Variants in GNPDA2 observed in about 807,000 individuals in gnomAD.
The protein encoded by GNPDA2 is glucosamine-6-phosphate deaminase 2.
In GNPDA2, 24 loss-of-function variants were observed where a neutral mutation model predicts 27.0. The ratio of observed to expected loss-of-function variants is 0.89; its 90% CI spans 0.64 to 1.25. GNPDA2 has a LOEUF of 1.25. Ranked by LOEUF, GNPDA2 falls within the 50% of genes most tolerant of loss-of-function variation. The probability of loss-of-function intolerance (pLI) is 0.00; values close to 1 mark genes in which losing one functional copy is unlikely to be tolerated. For missense variants in GNPDA2, 286 were observed against 335.1 expected (o/e 0.85, Z 1.14); for synonymous variants, 94 against 108.4 (o/e 0.87, Z 0.83).
rs1873522 is a variant in GNPDA2, at chr4:44,717,031, A to C, written c.409+82T>G. 4 of 972,174 alleles carry C rather than the reference A, an allele frequency of 4.1e-6. No homozygotes were observed. The African/African-American group carries it at 6.7e-5, about 16-fold the overall frequency. 60.2% of individuals were successfully genotyped at this position (972,174 alleles called of 1,614,324 possible). A position where few individuals can be genotyped will look rare whatever the true frequency, so the allele number is the denominator to read the frequency against. ...GCCACAGGTGCTCTTTACATTACAC[A>C]ATGGGAAGATTTATTTTTTAAATTT... On this transcript the variant is annotated intron_variant, in intron 4 of 6. Transcript: ENST00000295448.
chr4:44,710,761 C>G (rs965141986), intron 5 of GNPDA2, among the ~76,000 whole-genome samples, 192 bp downstream of exon 5: 9 of 152,278 alleles, frequency 5.9e-5, no homozygotes, highest in Non-Finnish European at 1.2e-4. Flanking sequence ...TCTTAGTTTA[C>G]AGCTCCAAAA....
intron 1 of GNPDA2, among the ~76,000 whole-genome samples, chr4:44,723,451 G>A (rs1289836094): frequency 6.6e-6 from 1 of 152,010 alleles, no homozygotes; most frequent in South Asian, 2.1e-4. Flanking sequence ...CCATCACCAC[G>A]TGTACACATT....
At position 44,718,322 on chromosome 4, in the gene GNPDA2, C is replaced by G. The variant is rs1230044673; in HGVS notation, c.213G>C (p.Met71Ile). ...AGTATAGCTTACCTACATATTCATC[C>G]ATATTAAAGGTCTTCACATATTTAA... ...LSFKYVKTFNMDEYVGLPRNH... is the reference protein window; with the variant it reads ...LSFKYVKTFNIDEYVGLPRNH... Residue 71 changes from methionine (M) to isoleucine (I), a missense_variant, in exon 3 of 7, where the codon ATG becomes ATC. Transcript: ENST00000295448. 4.9e-6 allele frequency: 6 copies of G among 1,230,022 alleles called. No homozygotes were observed. Among genetic ancestry groups the G allele is most frequent in the Non-Finnish European group, 5.7e-6 (5 of 876,306 alleles). The allele number at this position is 1,230,022 out of a possible 1,614,324, so 76.2% of individuals were successfully genotyped here.
intron 6 of GNPDA2, chr4:44,703,395 AG>A: frequency 8.3e-7 from 1 of 1,204,542 alleles, no homozygotes; most frequent in Non-Finnish European, 1.0e-6. Context: ...GGGAGTAACC[AG>A]AAGAGCATTT....
At chr4:44,714,346 C>A in intron 4 of GNPDA2, 1 of 985,272 alleles carries the variant, frequency 1.0e-6, no homozygotes, top group Non-Finnish European at 1.2e-6. Context: ...TTGCATGATA[C>A]ACCTTTTACC....
At chr4:44,704,134 G>C in intron 6 of GNPDA2, 1 of 985,122 alleles carries the variant, frequency 1.0e-6, no homozygotes, top group Non-Finnish European at 1.2e-6. Flanking sequence ...AAGAGTACTG[G>C]GAAGTGTTTG....
intron 4 of GNPDA2, 134 bp from the exon 5 acceptor site, chr4:44,711,271 T>C (rs1339047960): frequency 3.9e-6 from 2 of 513,578 alleles, no homozygotes; most frequent in Non-Finnish European, 6.4e-6. Context: ...ATTAAAATAT[T>C]TGTTTCTGTA....
chr4:44,711,756 TC>T (rs1405516725), intron 4 of GNPDA2, among the ~76,000 whole-genome samples: 1 of 151,532 alleles, frequency 6.6e-6, no homozygotes, highest in East Asian at 1.9e-4. Context: ...TTTTTTTTTT[TC>T]AAACTTCTGA....
chr4:44,712,551 G>A (rs1327191656), intron 4 of GNPDA2, among the ~76,000 whole-genome samples: 2 of 152,002 alleles, frequency 1.3e-5, no homozygotes, highest in East Asian at 3.9e-4. Flanking sequence ...ATTAATTATA[G>A]ACATTAAATT....
chr4:44,724,925 T>C (rs1717918307), intron 1 of GNPDA2, among the ~76,000 whole-genome samples: 1 of 152,156 alleles, frequency 6.6e-6, no homozygotes, highest in Non-Finnish European at 1.5e-5. Flanking sequence ...TCAAAAACAA[T>C]TTTAGAGTTA....
intron 6 of GNPDA2, 154 bp from the exon 7 acceptor site, chr4:44,703,296 G>A (rs531208713): frequency 1.4e-6 from 2 of 1,389,096 alleles, no homozygotes; most frequent in Non-Finnish European, 1.9e-6. Flanking sequence ...AAATAGAAAT[G>A]TTTCAGAATG....
At position 44,702,356 on chromosome 4, in the gene GNPDA2, G is replaced by T; in HGVS notation, c.*725C>A. 1 of 888,422 alleles carries T rather than the reference G, an allele frequency of 1.1e-6. No homozygotes were observed. The highest frequency in any genetic ancestry group is 1.3e-6 in the Non-Finnish European group (1 of 741,450). The allele number at this position is 888,422 out of a possible 1,614,324, so 55.0% of individuals were successfully genotyped here. ...TTCTCCAAAAGAATTTCCTGAAGTG[G>T]CTTGCTAGGTATAAAGCTCATAATT... On this transcript the variant is annotated 3_prime_UTR_variant, in exon 7 of 7. Transcript: ENST00000295448.
In GNPDA2 at chr4:44,702,686, A is replaced by G. The variant is rs1038537672; in HGVS notation, c.*395T>C. On this transcript the variant is annotated 3_prime_UTR_variant, in exon 7 of 7. Transcript: ENST00000295448. ...ATTCCAAAAGTGAAGGTCTGCAATGATAGTTTGTTATCTGAAAGGTTTGGA... is the reference window on the plus strand; with the variant it reads ...ATTCCAAAAGTGAAGGTCTGCAATGGTAGTTTGTTATCTGAAAGGTTTGGA... The G allele has an allele frequency of 6.8e-6, 7 of 1,032,524 alleles. No homozygotes were observed. The highest frequency in any genetic ancestry group is 7.0e-6 in the Non-Finnish European group (6 of 861,448). The allele number at this position is 1,032,524 out of a possible 1,614,324, so 64.0% of individuals were successfully genotyped here.
chr4:44,703,631 AT>A, intron 6 of GNPDA2: 17 of 983,914 alleles, frequency 1.7e-5, no homozygotes, highest in Non-Finnish European at 2.1e-5. Context: ...ACAAAGGTTG[AT>A]TACAAATTCT....
In GNPDA2 at chr4:44,702,960, A is replaced by T; in HGVS notation, c.*121T>A. On this transcript the variant is annotated 3_prime_UTR_variant, in exon 7 of 7. Transcript: ENST00000295448. ...ATGGAATGTTTAACATAGAGACTCGAATGAAAAAATGACAATCTTCAAAAT... is the reference window on the plus strand; with the variant it reads ...ATGGAATGTTTAACATAGAGACTCGTATGAAAAAATGACAATCTTCAAAAT... 6.5e-7 allele frequency: 1 copy of T among 1,533,512 alleles called. No individual in the cohort carries two copies. Among genetic ancestry groups the T allele is most frequent in the Non-Finnish European group, 8.7e-7 (1 of 1,148,842 alleles). The allele number at this position is 1,533,512 out of a possible 1,614,324, so 95.0% of individuals were successfully genotyped here. A position where few individuals can be genotyped will look rare whatever the true frequency, so the allele number is the denominator to read the frequency against.
intron 4 of GNPDA2, among the ~76,000 whole-genome samples, chr4:44,711,828 T>TACAC (rs5857973): frequency 0.29 from 43,192 of 148,182 alleles, 7,720 homozygotes; most frequent in Non-Finnish European, 0.39. Context: ...TATATATATA[T>TACAC]ACACATATAC....
intron 6 of GNPDA2, chr4:44,705,217 G>C (rs1716516806): frequency 1.0e-6 from 1 of 979,980 alleles, no homozygotes; most frequent in Non-Finnish European, 1.2e-6. Flanking sequence ...ACATCCTCCA[G>C]TATTTTGATA....
At chr4:44,712,952 CTG>C (rs1717063557) in intron 4 of GNPDA2, among the ~76,000 whole-genome samples, 2 of 152,162 alleles carry the variant, frequency 1.3e-5, no homozygotes, top group South Asian at 4.1e-4. Context: ...AATGTCATTC[CTG>C]TGTTCCTACA....
chr4:44,718,231 T>A (rs3792705), intron 3 of GNPDA2, 78 bp downstream of exon 3: 320,036 of 555,618 alleles, frequency 0.58, 95,433 homozygotes, highest in Non-Finnish European at 0.64. Context: ...CAAATATACT[T>A]GTATTCTAAA....
Sources: allele counts gnomAD v4.1 joint callset (sites outside exome capture counted in the v4.1 genomes callset), GRCh38; gene constraint gnomAD v4.1.1; transcripts MANE v1.5; gene names NCBI Gene and HGNC (gene_info 2026-07-23, HGNC 2026-07-21).